The following TNKS variants were observed in gnomAD, a reference collection of about 807,000 sequenced individuals.
TNKS encodes the protein tankyrase, also known as poly [ADP-ribose] polymerase tankyrase-1.
In TNKS, 72 loss-of-function variants were observed where a neutral mutation model predicts 135.8. The ratio of observed to expected loss-of-function variants is 0.53; its 90% CI spans 0.44 to 0.64. The LOEUF is 0.64. Ranked by LOEUF, TNKS falls within the 30% of genes least tolerant of loss-of-function variation. TNKS has a pLI of 0.00. For synonymous variants in TNKS, 849 were observed against 649.3 expected (o/e 1.31, Z -4.68); for missense variants, 1,769 against 1,674.0 (o/e 1.06, Z -0.99).
intron 2 of TNKS, among the ~76,000 whole-genome samples, chr8:9,606,295 T>C (rs28437757): frequency 0.19 from 28,736 of 150,590 alleles, 2,965 homozygotes; most frequent in East Asian, 0.29. Context: ...ATTTATGAGC[T>C]GTCTTCTGTT....
chr8:9,680,349 A>AT (rs907687234), intron 4 of TNKS, among the ~76,000 whole-genome samples: 2 of 140,438 alleles, frequency 1.4e-5, no homozygotes, highest in African/African-American at 2.6e-5. Context: ...ATCCTCATCT[A>AT]TTTTTTTTGT....
intron 11 of TNKS, among the ~76,000 whole-genome samples, chr8:9,713,726 A>G (rs766103147): frequency 4.6e-5 from 7 of 151,998 alleles, no homozygotes; most frequent in Non-Finnish European, 7.4e-5. Flanking sequence ...TGCCGTAGCA[A>G]CTCCTATTTA....
At chr8:9,750,245 G>A (rs193079780) in intron 18 of TNKS, among the ~76,000 whole-genome samples, 124 of 152,276 alleles carry the variant, frequency 8.1e-4, no homozygotes, top group African/African-American at 2.8e-3. Flanking sequence ...TTTGACCTTT[G>A]GCCTGAGGCT....
At chr8:9,769,330 A>G (rs949888632) in intron 25 of TNKS, among the ~76,000 whole-genome samples, 16 of 152,214 alleles carry the variant, frequency 1.1e-4, no homozygotes, top group African/African-American at 3.9e-4. Context: ...ACTCTGTGAT[A>G]CTTAACATCT....
chr8:9,719,426 C>T (rs1804759682), intron 11 of TNKS, among the ~76,000 whole-genome samples: 1 of 152,144 alleles, frequency 6.6e-6, no homozygotes, highest in Admixed American at 6.5e-5. Flanking sequence ...AACATGCACT[C>T]ATATTCTCAA....
chr8:9,720,780 A>C (rs1408628213), intron 12 of TNKS, among the ~76,000 whole-genome samples: 1 of 152,108 alleles, frequency 6.6e-6, no homozygotes, highest in Admixed American at 6.5e-5. Flanking sequence ...CTGACTCATG[A>C]GTGTTCTGAT....
At chr8:9,675,345 A>C (rs1308283630) in intron 3 of TNKS, among the ~76,000 whole-genome samples, 1 of 152,222 alleles carries the variant, frequency 6.6e-6, no homozygotes, top group Non-Finnish European at 1.5e-5. Flanking sequence ...AGTGTTATCA[A>C]TTCATGGTAC....
chr8:9,687,529 AT>A (rs1803061458), intron 5 of TNKS, among the ~76,000 whole-genome samples: 1 of 152,192 alleles, frequency 6.6e-6, no homozygotes, highest in Non-Finnish European at 1.5e-5. Context: ...AACAATCTCT[AT>A]TTTGTCAAGC....
At chr8:9,705,594 C>T (rs935620410) in intron 6 of TNKS, among the ~76,000 whole-genome samples, 2 of 152,164 alleles carry the variant, frequency 1.3e-5, no homozygotes, top group African/African-American at 4.8e-5. Context: ...TGTTCTCTTG[C>T]CTGCACCAGG....
chr8:9,733,455 TA>T lies in TNKS; in HGVS notation c.2313+16del. The T allele has an allele frequency of 6.2e-7, 1 of 1,605,010 alleles. No homozygotes were observed. Among genetic ancestry groups the T allele is most frequent in the Non-Finnish European group, 8.5e-7 (1 of 1,175,058 alleles). On this transcript the variant is annotated intron_variant, in intron 15 of 26. Transcript: ENST00000310430. ...AAGCTCCTTTTAAAAGTATGTAGTTTAAAAAGTTATGAAATATAACTAATTT... is the reference window on the plus strand; with the variant it reads ...AAGCTCCTTTTAAAAGTATGTAGTTTAAAAGTTATGAAATATAACTAATTT...
chr8:9,591,877 AC>A (rs1798602644), intron 2 of TNKS, among the ~76,000 whole-genome samples: 1 of 152,184 alleles, frequency 6.6e-6, no homozygotes, highest in African/African-American at 2.4e-5. Context: ...TAGAGAAATA[AC>A]ATTATCGTTT....
chr8:9,580,502 A>C (rs758845680), intron 2 of TNKS, 119 bp downstream of exon 2: 8 of 866,862 alleles, frequency 9.2e-6, no homozygotes, highest in Middle Eastern at 2.9e-4. Context: ...TTGTAGAAGC[A>C]GTTCTTTTCC....
intron 11 of TNKS, among the ~76,000 whole-genome samples, chr8:9,712,628 T>A (rs530738821): frequency 7.0e-4 from 106 of 152,234 alleles, no homozygotes; most frequent in African/African-American, 2.5e-3. Flanking sequence ...CCATAGCCTA[T>A]GCCTTAATCC....
chr8:9,575,119 C>G (rs1797896467), intron 1 of TNKS: 4 of 964,266 alleles, frequency 4.1e-6, no homozygotes, highest in East Asian at 1.1e-4. Context: ...CGGAGTCTCG[C>G]TCTGTTGCCC....
chr8:9,749,878 G>C (rs1171186311), intron 18 of TNKS, among the ~76,000 whole-genome samples: 2 of 152,128 alleles, frequency 1.3e-5, no homozygotes, highest in African/African-American at 2.4e-5. Context: ...CCTGTTCCCT[G>C]CTCCTAGAAA....
intron 20 of TNKS, among the ~76,000 whole-genome samples, chr8:9,760,488 G>GA (rs1270046080): frequency 6.6e-6 from 1 of 152,170 alleles, no homozygotes; most frequent in Non-Finnish European, 1.5e-5. Flanking sequence ...TTAAAAAGTG[G>GA]AAAAAAGCGA....
intron 1 of TNKS, among the ~76,000 whole-genome samples, chr8:9,563,558 C>A (rs534518260): frequency 1.3e-5 from 2 of 152,198 alleles, no homozygotes; most frequent in African/African-American, 4.8e-5. Context: ...AGTTTGCTGA[C>A]CTCTGTTATA....
intron 2 of TNKS, among the ~76,000 whole-genome samples, chr8:9,601,903 C>T (rs1799030784): frequency 6.6e-6 from 1 of 151,972 alleles, no homozygotes; most frequent in African/African-American, 2.4e-5. Context: ...AAATATAATG[C>T]AGTAGCCCAA....
At chr8:9,758,189 G>A (rs1437846308) in intron 20 of TNKS, among the ~76,000 whole-genome samples, 1 of 152,214 alleles carries the variant, frequency 6.6e-6, no homozygotes, top group South Asian at 2.1e-4. Context: ...GCTCGGAACT[G>A]TGCTTGTTAT....
Sources: gnomAD v4.1 joint callset for allele counts (sites outside exome capture counted in the v4.1 genomes callset) on GRCh38, gnomAD v4.1.1 for gene constraint, MANE v1.5 for transcripts, NCBI Gene and HGNC (gene_info 2026-07-23, HGNC 2026-07-21) for gene names.